UBR1: variants seen among roughly 807,000 people sequenced by gnomAD.
The protein encoded by UBR1 is ubiquitin protein ligase E3 component n-recognin 1.
In UBR1, 102 loss-of-function variants were observed where a neutral mutation model predicts 242.1. The ratio of observed to expected loss-of-function variants is 0.42; its 90% confidence interval spans 0.36 to 0.50. UBR1 has a LOEUF of 0.50. UBR1 is among the 20% of genes least tolerant of loss of function. UBR1 has a pLI of 0.01. For synonymous variants in UBR1, 675 were observed against 684.8 expected (o/e 0.99, Z 0.22); for missense variants, 1,772 against 2,101.8 (o/e 0.84, Z 3.07).
intron 40 of UBR1, among the ~76,000 whole-genome samples, chr15:42,969,875 TCA>T (rs1221800717): frequency 6.6e-6 from 1 of 152,224 alleles, no homozygotes; most frequent in Non-Finnish European, 1.5e-5. Flanking sequence ...CATTCCATGT[TCA>T]CAGACAGGAA....
intron 43 of UBR1, among the ~76,000 whole-genome samples, chr15:42,959,284 T>C (rs927705977): frequency 9.9e-5 from 15 of 152,190 alleles, no homozygotes; most frequent in Non-Finnish European, 2.1e-4. Flanking sequence ...CTTGAACTCC[T>C]AGGCTCAAGC....
intron 39 of UBR1, among the ~76,000 whole-genome samples, chr15:42,971,713 A>G (rs1278906912): frequency 6.6e-6 from 1 of 152,154 alleles, no homozygotes; most frequent in Non-Finnish European, 1.5e-5. Flanking sequence ...TTCAAATGTA[A>G]GAGAGTTCAA....
Position 43,060,108 on chromosome 15 carries a change from G to A in UBR1, c.805C>T (p.Arg269Trp), listed in dbSNP as rs773307468. Residue 269 changes from arginine to tryptophan, a missense_variant, in exon 7 of 47, where the codon CGG becomes TGG. Physicochemically the swap from Arg to Trp is moderately radical, Grantham distance 101. Coordinates refer to ENST00000290650, the MANE Select transcript of UBR1 (RefSeq NM_174916.3). ...HTTAIDKEGR[R>W]AVKAGAYAAC... ...GCATAAGCTCCCGCTTTAACAGCCC[G>A]ACGACCCTAATTATAGACAAAAGTG... The A allele has an allele frequency of 5.6e-6, 9 of 1,613,836 alleles. No individual in the cohort carries two copies. The highest frequency in any genetic ancestry group is 4.0e-5 in the African/African-American group (3 of 74,846).
chr15:43,083,630 C>T (rs1228183569), intron 2 of UBR1, among the ~76,000 whole-genome samples: 3 of 152,046 alleles, frequency 2.0e-5, no homozygotes, highest in Non-Finnish European at 4.4e-5. Context: ...GATCTGCCCA[C>T]CTCAGCCTCC....
chr15:42,991,005 T>C (rs541064519), intron 33 of UBR1, among the ~76,000 whole-genome samples: 35 of 152,042 alleles, frequency 2.3e-4, no homozygotes, highest in African/African-American at 6.3e-4. Context: ...CTGGGCATGA[T>C]GGCTCAAACC....
intron 6 of UBR1, 91 bp from the exon 7 acceptor site, chr15:43,060,205 C>G (rs1218112657): frequency 8.3e-7 from 1 of 1,199,482 alleles, no homozygotes; most frequent in Non-Finnish European, 1.2e-6. Context: ...GAGCTCTTAA[C>G]TGAGCTCTAA....
intron 37 of UBR1, among the ~76,000 whole-genome samples, chr15:42,981,077 C>T (rs942911846): frequency 1.3e-5 from 2 of 152,070 alleles, no homozygotes; most frequent in African/African-American, 4.8e-5. Context: ...CCTGCTATCA[C>T]ATTCAGATGC....
chr15:42,996,081 C>T (rs2032633517), intron 33 of UBR1, among the ~76,000 whole-genome samples: 1 of 152,192 alleles, frequency 6.6e-6, no homozygotes, highest in African/African-American at 2.4e-5. Context: ...ATCCCTACCA[C>T]ACATCCAAAT....
intron 1 of UBR1, among the ~76,000 whole-genome samples, chr15:43,093,655 G>T (rs1239327987): frequency 6.6e-6 from 1 of 152,036 alleles, no homozygotes; most frequent in Non-Finnish European, 1.5e-5. Context: ...GGTAGCATGA[G>T]CCTGTAGTCC....
rs541868032 is a variant in UBR1, at chr15:42,988,348, G to A, written c.3997+471C>T. On this transcript the variant is annotated intron_variant, in intron 35 of 46. Transcript: ENST00000290650. ...CTCACTCTGTTGCCCAGGCTGGAGT[G>A]CAGTGGTGCAACCATGGCTCACTGC... is the stretch of plus-strand genomic sequence containing the variant. 16 of 188,120 alleles carry A rather than the reference G, an allele frequency of 8.5e-5. No homozygotes were observed. In the South Asian group the frequency reaches 1.1e-3, roughly 13 times the overall value. 11.7% of individuals were successfully genotyped at this position (188,120 alleles called of 1,614,324 possible).
At position 42,945,396 on chromosome 15, in the gene UBR1, A is replaced by G. The variant is rs773145191; in HGVS notation, c.5183T>C (p.Ile1728Thr). 78 of 1,614,078 alleles carry G rather than the reference A, an allele frequency of 4.8e-5. No homozygotes were observed. The highest frequency in any genetic ancestry group is 6.0e-5 in the Non-Finnish European group (71 of 1,180,036). The change falls in exon 47 of 47, where the codon ATA becomes ACA. Residue 1728 changes from isoleucine to threonine, a missense_variant. This residue lies in a region of UBR1 where 965 missense variants were observed against 1,079.7 expected (regional missense o/e 0.89). Coordinates refer to ENST00000290650, the MANE Select transcript of UBR1 (RefSeq NM_174916.3). ...LHLVWQQHCI[I>T]EEIARSQETN... ...CTCTTGGCTCCTAGCAATCTCTTCT[A>G]TAATGCAGTGTTGTTGCCAGACCAA... is the stretch of plus-strand genomic sequence containing the variant.
chr15:43,030,810 TAA>T (rs1204855516), intron 20 of UBR1, among the ~76,000 whole-genome samples: 1 of 152,244 alleles, frequency 6.6e-6, no homozygotes. Context: ...ATGATATCTA[TAA>T]GAGGGTTACA....
At chr15:43,093,932 T>C (rs1386849765) in intron 1 of UBR1, among the ~76,000 whole-genome samples, 1 of 151,910 alleles carries the variant, frequency 6.6e-6, no homozygotes, top group Non-Finnish European at 1.5e-5. Flanking sequence ...TAAATGAAGA[T>C]AACTATTACG....
In UBR1 at chr15:43,085,598, C is replaced by T. The variant is rs185087790; in HGVS notation, c.338+386G>A. On this transcript the variant is annotated intron_variant, in intron 2 of 46. Transcript: ENST00000290650. ...GATACAAAATACCAAGATTGTAATACTTGGCCAGGATGCAGTGACTCATGC... is the reference window on the plus strand; with the variant it reads ...GATACAAAATACCAAGATTGTAATATTTGGCCAGGATGCAGTGACTCATGC... Among the ~76,000 whole-genome samples the T allele has an allele frequency of 2.8e-4, 43 of 151,814 alleles. No individual in the cohort carries two copies. The East Asian group carries it at 7.3e-3, about 26-fold the overall frequency.
intron 38 of UBR1, 52 bp from the exon 39 acceptor site, chr15:42,976,919 A>G (rs770374514): frequency 1.9e-6 from 3 of 1,582,452 alleles, no homozygotes; most frequent in African/African-American, 1.4e-5. Flanking sequence ...GACTAACATA[A>G]ATTAATGTCA....
In UBR1 at chr15:43,048,478, T is replaced by C. The variant is rs1178618446; in HGVS notation, c.1453A>G (p.Ser485Gly). The change falls in exon 13 of 47, where the codon AGC becomes GGC. Residue 485 changes from serine (S) to glycine (G), a missense_variant. Around this residue, in one of 3 missense-constraint regions of UBR1, gnomAD observed 734 missense variants for 893.3 expected, o/e 0.82. Coordinates refer to ENST00000290650, the MANE Select transcript of UBR1 (RefSeq NM_174916.3). The stretch of plus-strand genomic sequence containing the variant: ...CTTTCTGTCCATATTGTGGGTTTGC[T>C]GATCAGGATATACCTATCGTTTCAA... ...VICDLKYILISKPTIWTERLR... is the reference protein window; with the variant it reads ...VICDLKYILIGKPTIWTERLR... 6.2e-7 allele frequency: 1 copy of C among 1,613,084 alleles called. No individual in the cohort carries two copies. Among genetic ancestry groups the C allele is most frequent in the Non-Finnish European group, 8.5e-7 (1 of 1,179,378 alleles).
At chr15:43,027,923 C>A in intron 21 of UBR1, 95 bp from the exon 22 acceptor site, 1 of 993,576 alleles carries the variant, frequency 1.0e-6, no homozygotes, top group Non-Finnish European at 1.5e-6. Context: ...CTCTGAAGTA[C>A]TTTGTAAATA....
chr15:43,041,285 C>T (rs1219205841), intron 15 of UBR1, among the ~76,000 whole-genome samples: 2 of 152,098 alleles, frequency 1.3e-5, no homozygotes, highest in South Asian at 4.1e-4. Context: ...GAGTTCATGC[C>T]CTTTGTAGGG....
chr15:43,055,053 C>T (rs1267545190), intron 11 of UBR1, among the ~76,000 whole-genome samples, 154 bp from the exon 12 acceptor site: 1 of 152,136 alleles, frequency 6.6e-6, no homozygotes, highest in Non-Finnish European at 1.5e-5. Flanking sequence ...ATAGCAACTA[C>T]TAAGAAGTTA....
Sources: allele counts gnomAD v4.1 joint callset (sites outside exome capture counted in the v4.1 genomes callset), GRCh38; gene constraint gnomAD v4.1.1; regional missense constraint gnomAD v4.1.1; transcripts MANE v1.5; gene names NCBI Gene and HGNC (gene_info 2026-07-23, HGNC 2026-07-21).